Variants in AGFG2 observed in about 807,000 individuals in gnomAD.
AGFG2 encodes the protein arf-GAP domain and FG repeat-containing protein 2.
In AGFG2, 31 loss-of-function variants were observed where a neutral mutation model predicts 48.0. That is an observed-to-expected ratio of 0.65 (90% CI 0.49 to 0.87). AGFG2 has a LOEUF of 0.87. AGFG2 is among the 40% of genes least tolerant of loss of function. The probability of loss-of-function intolerance (pLI) is 0.00; values close to 1 mark genes in which losing one functional copy is unlikely to be tolerated. For synonymous variants in AGFG2, 229 were observed against 260.8 expected, an observed-to-expected ratio of 0.88 and a Z score of 1.18; for missense variants, 599 against 632.6, an observed-to-expected ratio of 0.95 and a Z score of 0.57.
At position 100,542,930 on chromosome 7, in the gene AGFG2, G is replaced by A. The variant is rs564119285; in HGVS notation, c.221+3363G>A. Among the ~76,000 whole-genome samples the A allele has an allele frequency of 1.8e-3, 268 of 152,256 alleles. 2 individuals are homozygous for A. Among genetic ancestry groups the A allele is most frequent in the African/African-American group, 6.2e-3 (256 of 41,542 alleles). Reference sequence around the variant, plus strand: ...AGTAGTGATAAGTTCCCATTTTCACGGAGCTGACATCCTAGTGGAAGCCAT... The same window carrying A: ...AGTAGTGATAAGTTCCCATTTTCACAGAGCTGACATCCTAGTGGAAGCCAT... On this transcript the variant is annotated intron_variant, in intron 1 of 11. Coordinates refer to ENST00000300176, the MANE Select transcript of AGFG2 (RefSeq NM_006076.5).
At chr7:100,554,345 A>G in intron 5 of AGFG2, 87 bp downstream of exon 5, 4 of 1,460,468 alleles carry the variant, frequency 2.7e-6, no homozygotes, top group Non-Finnish European at 3.7e-6. Context: ...CCATGGCTCT[A>G]GATCTTCTCA....
chr7:100,563,921 C>T lies in AGFG2; in HGVS notation c.1259C>T (p.Pro420Leu), dbSNP rs766941813. 14 of 1,609,098 alleles carry T rather than the reference C, an allele frequency of 8.7e-6. No homozygotes were observed. The African/African-American group carries it at 1.1e-4, about 12-fold the overall frequency. The part of the protein sequence containing the change: ...TGAFASSFPA[P>L]LFPPQTPLVQ... The stretch of plus-strand genomic sequence containing the variant: ...GCCTTTGCCAGCTCCTTCCCAGCAC[C>T]GCTGTTCCCCCCGCAGACCCCGCTT... The change falls in exon 10 of 12, where the codon CCG becomes CTG. Residue 420 changes from proline to leucine, a missense_variant. Physicochemically the swap from Pro to Leu is moderately conservative, Grantham distance 98. Coordinates refer to ENST00000300176, the MANE Select transcript of AGFG2 (RefSeq NM_006076.5).
Position 100,563,880 on chromosome 7 carries a change from A to C in AGFG2, c.1218A>C (p.Ala406=), listed in dbSNP as rs1223137051. The change falls in exon 10 of 12, where the codon GCA becomes GCC. Residue 406 remains alanine, a synonymous_variant. Transcript: ENST00000300176. ...MSSAGPGFPQ[A]VPPTGAFASS... is the part of the protein sequence containing the mutation. Reference sequence around the variant, plus strand: ...GTGCTGGGCCTGGCTTCCCCCAGGCAGTGCCACCCACTGGGGCCTTTGCCA... The same window carrying C: ...GTGCTGGGCCTGGCTTCCCCCAGGCCGTGCCACCCACTGGGGCCTTTGCCA... The C allele has an allele frequency of 1.2e-6, 2 of 1,610,956 alleles. No homozygotes were observed. Among genetic ancestry groups the C allele is most frequent in the East Asian group, 2.2e-5 (1 of 44,880 alleles).
At chr7:100,555,434 C>A (rs1033614313) in intron 5 of AGFG2, among the ~76,000 whole-genome samples, 176 bp from the exon 6 acceptor site, 1 of 151,768 alleles carries the variant, frequency 6.6e-6, no homozygotes, top group Admixed American at 6.6e-5. Flanking sequence ...CCACCACGCC[C>A]AGCTAATTTT....
chr7:100,548,795 C>G, intron 1 of AGFG2, 27 bp from the exon 2 acceptor site: 8 of 1,569,986 alleles, frequency 5.1e-6, no homozygotes, highest in Non-Finnish European at 7.0e-6. Context: ...CATTATACTT[C>G]TCTTTCTTCC....
At chr7:100,553,715 C>G (rs900063005) in intron 4 of AGFG2, among the ~76,000 whole-genome samples, 1 of 152,196 alleles carries the variant, frequency 6.6e-6, no homozygotes, top group African/African-American at 2.4e-5. Context: ...TTAGGAAAGT[C>G]AGAATATCAG....
rs1800977372 is a variant in AGFG2, at chr7:100,565,096, G to A, written c.*105G>A. 3 of 1,314,440 alleles carry A rather than the reference G, an allele frequency of 2.3e-6. No homozygotes were observed. The highest frequency in any genetic ancestry group is 3.4e-5 in the Admixed American group (2 of 58,186). 81.4% of individuals were successfully genotyped at this position (1,314,440 alleles called of 1,614,324 possible). A position where few individuals can be genotyped will look rare whatever the true frequency, so the allele number is the denominator to read the frequency against. ...GGCATTTCTATGGGCCTTGGGGATG[G>A]TGGAGGTGCTAATGCTTTGCTTGGG... On this transcript the variant is annotated 3_prime_UTR_variant, in exon 12 of 12. Coordinates refer to ENST00000300176, the MANE Select transcript of AGFG2 (RefSeq NM_006076.5).
At chr7:100,556,043 G>A (rs912984487) in intron 6 of AGFG2, 4 of 275,056 alleles carry the variant, frequency 1.5e-5, no homozygotes, top group South Asian at 4.8e-5. Flanking sequence ...GAAAATGGAC[G>A]TGACTTTTTC....
intron 2 of AGFG2, among the ~76,000 whole-genome samples, chr7:100,549,752 G>T (rs903263337): frequency 6.6e-6 from 1 of 152,012 alleles, no homozygotes; most frequent in East Asian, 1.9e-4. Context: ...GAGCTTAATG[G>T]TGCAATCTTG....
intron 1 of AGFG2, 127 bp from the exon 2 acceptor site, chr7:100,548,695 G>T: frequency 1.6e-6 from 1 of 642,356 alleles, no homozygotes; most frequent in East Asian, 2.8e-5. Context: ...TTCAGATGGG[G>T]GGGTTCTATC....
intron 6 of AGFG2, chr7:100,556,341 C>T (rs1353036668): frequency 1.5e-5 from 3 of 202,174 alleles, no homozygotes; most frequent in African/African-American, 7.0e-5. Context: ...CAAACAAAAC[C>T]AAATAAACTA....
At chr7:100,547,625 T>C (rs1049877001) in intron 1 of AGFG2, among the ~76,000 whole-genome samples, 8 of 152,152 alleles carry the variant, frequency 5.3e-5, no homozygotes, top group Admixed American at 2.6e-4. Flanking sequence ...AGAACACTCC[T>C]GAGACCAGTT....
Position 100,565,218 on chromosome 7 carries a change from G to T in AGFG2, c.*227G>T, listed in dbSNP as rs778547769. 5 of 601,864 alleles carry T rather than the reference G, an allele frequency of 8.3e-6. No individual in the cohort carries two copies. Among genetic ancestry groups the T allele is most frequent in the Non-Finnish European group, 1.5e-5 (5 of 338,840 alleles). The allele number at this position is 601,864 out of a possible 1,614,324, so 37.3% of individuals were successfully genotyped here. A position where few individuals can be genotyped will look rare whatever the true frequency, so the allele number is the denominator to read the frequency against. On this transcript the variant is annotated 3_prime_UTR_variant, in exon 12 of 12. Coordinates refer to ENST00000300176, the MANE Select transcript of AGFG2 (RefSeq NM_006076.5). Reference sequence around the variant, plus strand: ...CAGGCAGGAAGCCCAGGAGGAGTGCGGGCAGGGCCTGACCTGGAGGAGTGA... The same window carrying T: ...CAGGCAGGAAGCCCAGGAGGAGTGCTGGCAGGGCCTGACCTGGAGGAGTGA...
At chr7:100,554,752 T>C (rs2131114688) in intron 5 of AGFG2, among the ~76,000 whole-genome samples, 1 of 151,762 alleles carries the variant, frequency 6.6e-6, no homozygotes, top group East Asian at 1.9e-4. Context: ...CTGGCCAACA[T>C]GGTGAAACCT....
intron 3 of AGFG2, among the ~76,000 whole-genome samples, chr7:100,551,068 T>TATATATATATA (rs1800632184): frequency 1.7e-5 from 1 of 59,208 alleles, no homozygotes; most frequent in Non-Finnish European, 3.4e-5. Flanking sequence ...ATATATATAT[T>TATATATATATA]TCTTTTTTTT....
chr7:100,548,868 A>C lies in AGFG2; in HGVS notation c.268A>C (p.Thr90Pro). The change falls in exon 2 of 12, where the codon ACT becomes CCT. Residue 90 changes from threonine to proline, a missense_variant. Thr to Pro is a conservative substitution (Grantham distance 38). Transcript: ENST00000300176. ...PHRVKSISMT[T>P]FTEPEVVFLQ... The stretch of plus-strand genomic sequence containing the variant: ...TCGTGTCAAGTCAATCTCCATGACA[A>C]CTTTCACTGAGCCTGAAGTAGTATT... The C allele has an allele frequency of 6.2e-7, 1 of 1,613,838 alleles. No homozygotes were observed. Among genetic ancestry groups the C allele is most frequent in the East Asian group, 2.2e-5 (1 of 44,868 alleles).
intron 5 of AGFG2, 90 bp downstream of exon 5, chr7:100,554,348 T>A (rs1456338769): frequency 1.4e-6 from 2 of 1,452,226 alleles, no homozygotes; most frequent in Non-Finnish European, 1.8e-6. Flanking sequence ...TGGCTCTAGA[T>A]CTTCTCATGC....
rs923954399 is a variant in AGFG2 at position 100,539,256 on chromosome 7, G to A, written c.-91G>A. 1.6e-6 allele frequency: 2 copies of A among 1,226,300 alleles called. No homozygotes were observed. The highest frequency in any genetic ancestry group is 2.1e-6 in the Non-Finnish European group (2 of 968,124). The allele number at this position is 1,226,300 out of a possible 1,614,324, so 76.0% of individuals were successfully genotyped here. On this transcript the variant is annotated 5_prime_UTR_variant, in exon 1 of 12. Coordinates refer to ENST00000300176, the MANE Select transcript of AGFG2 (RefSeq NM_006076.5). ...CGCCCGCTCCCGAGCTTCTGTCAGG[G>A]GAGCCGGGCGTGCGGAGGCGGCTGA... is the stretch of plus-strand genomic sequence containing the variant.
chr7:100,562,809 G>GA lies in AGFG2; in HGVS notation c.1088-47dup, dbSNP rs916671570. 6.2e-7 allele frequency: 1 copy of GA among 1,606,468 alleles called. No homozygotes were observed. ...AGGCATCACAGGATGAAGCACGTGAGAAAAAAAGTAACCATCTCTCTCTTT... is the reference window on the plus strand; with the variant it reads ...AGGCATCACAGGATGAAGCACGTGAGAAAAAAAAGTAACCATCTCTCTCTTT... On this transcript the variant is annotated intron_variant, in intron 8 of 11. Transcript: ENST00000300176. This position sits in a 1 kb window ranked among gnomAD's most constrained non-coding sequence, Gnocchi z 5.4.
Sources: allele counts gnomAD v4.1 joint callset (sites outside exome capture counted in the v4.1 genomes callset), GRCh38; gene constraint gnomAD v4.1.1; non-coding constraint Gnocchi (gnomAD v3.1); transcripts MANE v1.5; gene names NCBI Gene and HGNC (gene_info 2026-07-23, HGNC 2026-07-21).